Variants in AGBL4 observed in about 807,000 individuals in gnomAD.
The protein encoded by AGBL4 is AGBL carboxypeptidase 4.
AGBL4 carries 58 observed loss-of-function variants against 66.4 expected under a neutral mutation model. That is an observed-to-expected ratio of 0.87 (90% CI 0.71 to 1.09). The LOEUF is 1.09. Ranked by LOEUF, AGBL4 falls within the 50% of genes least tolerant of loss-of-function variation. AGBL4 has a pLI of 0.00. For missense variants in AGBL4, 579 were observed against 631.0 expected (o/e 0.92, Z 0.88); for synonymous variants, 234 against 222.9 (o/e 1.05, Z -0.44).
intron 5 of AGBL4, among the ~76,000 whole-genome samples, chr1:48,957,177 T>A (rs1397876975): frequency 6.6e-6 from 1 of 152,194 alleles, no homozygotes; most frequent in Non-Finnish European, 1.5e-5. Context: ...TACATATATA[T>A]GTACCTATAA....
At chr1:48,810,192 C>A (rs1346714812) in intron 6 of AGBL4, among the ~76,000 whole-genome samples, 1 of 152,164 alleles carries the variant, frequency 6.6e-6, no homozygotes, top group East Asian at 1.9e-4. Context: ...GGACACACAG[C>A]CCCTGTGCTT....
intron 3 of AGBL4, among the ~76,000 whole-genome samples, chr1:49,633,050 G>A (rs1645601744): frequency 1.3e-5 from 2 of 151,968 alleles, no homozygotes; most frequent in South Asian, 2.1e-4. Flanking sequence ...CTCCAGCCTG[G>A]TGACAGAGCA....
intron 4 of AGBL4, among the ~76,000 whole-genome samples, chr1:49,210,594 G>T (rs1018532187): frequency 6.6e-6 from 1 of 151,980 alleles, no homozygotes; most frequent in African/African-American, 2.4e-5. Context: ...AGATGTTTTA[G>T]AAAATCCCCC....
intron 11 of AGBL4, among the ~76,000 whole-genome samples, chr1:48,543,269 T>C (rs907696775): frequency 2.6e-5 from 4 of 152,170 alleles, no homozygotes; most frequent in African/African-American, 9.6e-5. Context: ...CTGAGGTTGG[T>C]CCTAGAGGAT....
chr1:48,592,907 C>T lies in AGBL4; in HGVS notation c.952-1922G>A, dbSNP rs12038808. Among the ~76,000 whole-genome samples the T allele has an allele frequency of 7.0e-4, 107 of 152,090 alleles. No individual in the cohort carries two copies. In the East Asian group the frequency reaches 0.017, roughly 25 times the overall value. On this transcript the variant is annotated intron_variant, in intron 9 of 13. Coordinates refer to ENST00000371839, the MANE Select transcript of AGBL4 (RefSeq NM_032785.4). ...AAACTTATTCATATAAATTTATGGG[C>T]GTACAAGTGTAATTTTGTTACATTT...
At chr1:48,584,876 G>C (rs558135717) in intron 11 of AGBL4, 4 of 152,232 alleles carry the variant, frequency 2.6e-5, no homozygotes, top group Admixed American at 2.6e-4. Context: ...AACTTTACCT[G>C]ACCTATGACA....
intron 5 of AGBL4, among the ~76,000 whole-genome samples, chr1:49,033,919 C>G (rs1473567504): frequency 6.6e-6 from 1 of 151,508 alleles, no homozygotes; most frequent in Non-Finnish European, 1.5e-5. Context: ...GCTACCTAAC[C>G]ATTCTCACTG....
intron 3 of AGBL4, among the ~76,000 whole-genome samples, chr1:49,282,106 A>G (rs145782542): frequency 4.1e-3 from 621 of 152,272 alleles, no homozygotes; most frequent in African/African-American, 0.014. Context: ...ATCATAGGCT[A>G]CTCAGTTGGT....
chr1:48,749,640 C>T (rs910141952), intron 6 of AGBL4, among the ~76,000 whole-genome samples: 2 of 152,124 alleles, frequency 1.3e-5, no homozygotes, highest in Non-Finnish European at 2.9e-5. Flanking sequence ...CTCTGACATT[C>T]CTAGGGGGTC....
chr1:50,008,831 G>A (rs1661323654), intron 1 of AGBL4, among the ~76,000 whole-genome samples: 1 of 152,016 alleles, frequency 6.6e-6, no homozygotes. Flanking sequence ...TAAAATTGAT[G>A]TGGCAGATAT....
chr1:49,834,427 T>TA (rs1490389891), intron 2 of AGBL4, among the ~76,000 whole-genome samples: 2 of 152,194 alleles, frequency 1.3e-5, no homozygotes, highest in African/African-American at 4.8e-5. Flanking sequence ...TCTGTGGTGA[T>TA]ATCCCCTTTA....
chr1:49,477,871 A>C (rs1646877323), intron 3 of AGBL4, among the ~76,000 whole-genome samples: 1 of 151,832 alleles, frequency 6.6e-6, no homozygotes, highest in South Asian at 2.1e-4. Context: ...AGATTTGAAA[A>C]ATTAAAAAAG....
chr1:49,676,460 G>A (rs913318669), intron 3 of AGBL4, among the ~76,000 whole-genome samples: 1 of 152,084 alleles, frequency 6.6e-6, no homozygotes, highest in African/African-American at 2.4e-5. Context: ...ATATCATTTG[G>A]CATTGAAAAG....
intron 3 of AGBL4, among the ~76,000 whole-genome samples, chr1:49,559,306 C>A (rs1643977766): frequency 6.6e-6 from 1 of 152,094 alleles, no homozygotes; most frequent in Admixed American, 6.6e-5. Flanking sequence ...TCTAATGGAT[C>A]TTGTACAAGA....
intron 4 of AGBL4, among the ~76,000 whole-genome samples, chr1:49,069,930 C>T (rs1025382241): frequency 2.0e-5 from 3 of 151,848 alleles, no homozygotes; most frequent in East Asian, 1.9e-4. Flanking sequence ...TGTAGTTCTC[C>T]GTGAAGCGGT....
chr1:49,858,329 T>C (rs1224970057), intron 1 of AGBL4, among the ~76,000 whole-genome samples: 3 of 152,110 alleles, frequency 2.0e-5, no homozygotes, highest in Admixed American at 6.5e-5. Flanking sequence ...AGTATAAAAG[T>C]TGCCTAAATA....
intron 3 of AGBL4, among the ~76,000 whole-genome samples, chr1:49,535,538 C>A (rs1651506443): frequency 6.6e-6 from 1 of 151,436 alleles, no homozygotes; most frequent in Non-Finnish European, 1.5e-5. Context: ...CTTTAAAAAT[C>A]TACAGAAAAG....
At chr1:49,504,942 T>C (rs373840155) in intron 3 of AGBL4, among the ~76,000 whole-genome samples, 1 of 152,016 alleles carries the variant, frequency 6.6e-6, no homozygotes, top group South Asian at 2.1e-4. Context: ...TCTTACTGTC[T>C]TCCCTGTGAT....
At chr1:49,371,590 A>G (rs1644346445) in intron 3 of AGBL4, among the ~76,000 whole-genome samples, 2 of 152,140 alleles carry the variant, frequency 1.3e-5, no homozygotes, top group South Asian at 2.1e-4. Context: ...TTCTCTAAGA[A>G]AACACTTCTA....
Sources: allele counts gnomAD v4.1 joint callset (sites outside exome capture counted in the v4.1 genomes callset), GRCh38; gene constraint gnomAD v4.1.1; transcripts MANE v1.5; gene names NCBI Gene and HGNC (gene_info 2026-07-23, HGNC 2026-07-21).